Variants in RBMS3 observed in about 807,000 individuals in gnomAD.
RBMS3 encodes RNA-binding motif, single-stranded-interacting protein 3.
RBMS3 carries 27 observed loss-of-function variants against 66.8 expected under a neutral mutation model. That is an observed-to-expected ratio of 0.40 (90% CI 0.30 to 0.56). The LOEUF (loss-of-function observed/expected upper bound fraction) is 0.56, where lower values mean the gene tolerates loss of function less well. Among genes scored for constraint, RBMS3 ranks in the 20% least tolerant of loss-of-function variants. RBMS3 has a pLI of 0.40. For synonymous variants in RBMS3, 188 were observed against 183.0 expected (o/e 1.03, Z -0.22); for missense variants, 513 against 549.5 (o/e 0.93, Z 0.66).
chr3:29,331,243 T>C (rs2035635200), intron 1 of RBMS3, among the ~76,000 whole-genome samples: 1 of 152,218 alleles, frequency 6.6e-6, no homozygotes, highest in African/African-American at 2.4e-5. Flanking sequence ...GGTGTTTGAC[T>C]TGTGCAGGCT....
At chr3:29,508,100 A>G (rs2044255532) in intron 3 of RBMS3, among the ~76,000 whole-genome samples, 1 of 152,162 alleles carries the variant, frequency 6.6e-6, no homozygotes, top group Middle Eastern at 3.2e-3. Context: ...CTAACTACTA[A>G]TCATAATATA....
chr3:29,434,256 T>G (rs188303381), intron 1 of RBMS3, among the ~76,000 whole-genome samples: 11 of 152,346 alleles, frequency 7.2e-5, no homozygotes, highest in African/African-American at 2.4e-4. Context: ...ATGATTTCTT[T>G]GTATCAGGAA....
chr3:29,973,410 C>T (rs1312559494), intron 12 of RBMS3, among the ~76,000 whole-genome samples: 1 of 151,820 alleles, frequency 6.6e-6, no homozygotes, highest in Non-Finnish European at 1.5e-5. Context: ...AATTAAATAG[C>T]TTTATATATG....
intron 1 of RBMS3, among the ~76,000 whole-genome samples, chr3:29,365,714 T>C (rs2037863277): frequency 1.3e-5 from 2 of 152,188 alleles, no homozygotes; most frequent in South Asian, 2.1e-4. Flanking sequence ...CAAATCATTC[T>C]CCTTCACTTC....
At chr3:29,698,147 T>G in intron 4 of RBMS3, 4 of 934,670 alleles carry the variant, frequency 4.3e-6, no homozygotes, top group Non-Finnish European at 3.8e-6. Context: ...TACATTCCAG[T>G]GAAATTAATG....
At chr3:29,655,680 T>A (rs1041377671) in intron 4 of RBMS3, among the ~76,000 whole-genome samples, 3 of 152,210 alleles carry the variant, frequency 2.0e-5, no homozygotes, top group Non-Finnish European at 4.4e-5. Flanking sequence ...TTGACATACT[T>A]ACTATCCTAT....
intron 4 of RBMS3, among the ~76,000 whole-genome samples, chr3:29,668,019 C>G (rs2050836233): frequency 6.6e-6 from 1 of 152,150 alleles, no homozygotes; most frequent in South Asian, 2.1e-4. Flanking sequence ...CAATTAATCA[C>G]TGTTTCAATT....
intron 12 of RBMS3, among the ~76,000 whole-genome samples, chr3:29,975,062 TTCTA>T (rs1457285931): frequency 2.5e-5 from 3 of 119,770 alleles, no homozygotes; most frequent in African/African-American, 8.1e-5. Flanking sequence ...TAAAATATGT[TTCTA>T]TATATATTTT....
rs1422305119 is a variant in RBMS3, at chr3:29,820,179, ACTT to A, written c.638-48673_638-48671del. Among the ~76,000 whole-genome samples the A allele has an allele frequency of 6.4e-5, 7 of 109,362 alleles. No homozygotes were observed. In the South Asian group the frequency reaches 2.1e-3, roughly 32 times the overall value. The allele number at this position is 109,362 out of a possible 152,430, so 71.7% of individuals were successfully genotyped here. On this transcript the variant is annotated intron_variant, in intron 6 of 14. Transcript: ENST00000383767. The stretch of plus-strand genomic sequence containing the variant: ...ACTGCAGCCTGGGTAACAGAGTGAG[ACTT>A]CTTCTCAAAAAAAAAAAAAAAAAAA...
chr3:29,476,279 C>CTAT (rs949698652), intron 2 of RBMS3, among the ~76,000 whole-genome samples: 1 of 152,168 alleles, frequency 6.6e-6, no homozygotes, highest in East Asian at 1.9e-4. Context: ...ACCCCATGAA[C>CTAT]TATTGTTTTT....
chr3:29,670,641 C>G (rs574821592), intron 4 of RBMS3, among the ~76,000 whole-genome samples: 52 of 152,290 alleles, frequency 3.4e-4, no homozygotes, highest in African/African-American at 1.3e-3. Context: ...GCCCACGGAG[C>G]CTTGCTCACT....
chr3:29,474,425 GA>G lies in RBMS3; in HGVS notation c.249-14010del, dbSNP rs57535782. ...TGTTTAGTACAAGGGATTACTACAAGAAAAAAGAAACACAGCTTCCCTAATA... is the reference window on the plus strand; with the variant it reads ...TGTTTAGTACAAGGGATTACTACAAGAAAAAGAAACACAGCTTCCCTAATA... On this transcript the variant is annotated intron_variant, in intron 2 of 14. Transcript: ENST00000383767. 1.1e-4 allele frequency among the ~76,000 whole-genome samples: 17 copies of G among 152,246 alleles called. No homozygotes were observed. In the South Asian group the frequency reaches 3.3e-3, roughly 30 times the overall value.
chr3:29,762,886 C>T (rs752186055), intron 5 of RBMS3, 24 bp from the exon 6 acceptor site: 3 of 1,484,930 alleles, frequency 2.0e-6, no homozygotes, highest in South Asian at 2.3e-5. Flanking sequence ...CATATATGAC[C>T]TCTGGTTTAC....
chr3:29,924,399 T>C (rs1401190293), intron 10 of RBMS3, among the ~76,000 whole-genome samples: 4 of 152,194 alleles, frequency 2.6e-5, no homozygotes, highest in Non-Finnish European at 5.9e-5. Context: ...TTTCTTTTTT[T>C]TCAATTCTAC....
chr3:29,315,463 TGTGCACATGTATATACACATTTAG>T, intron 1 of RBMS3, among the ~76,000 whole-genome samples: 1 of 151,914 alleles, frequency 6.6e-6, no homozygotes, highest in Non-Finnish European at 1.5e-5. Flanking sequence ...TACATATATT[TGTGCACATGTATATACACATTTAG>T]CTACACATAT....
At chr3:29,419,262 C>T (rs2040604757) in intron 1 of RBMS3, among the ~76,000 whole-genome samples, 1 of 152,126 alleles carries the variant, frequency 6.6e-6, no homozygotes, top group African/African-American at 2.4e-5. Flanking sequence ...ATTAACCCCA[C>T]CTGTATAAAC....
At chr3:29,643,322 A>G (rs2049795939) in intron 4 of RBMS3, among the ~76,000 whole-genome samples, 1 of 152,034 alleles carries the variant, frequency 6.6e-6, no homozygotes, top group Admixed American at 6.6e-5. Context: ...GCAGCCACAC[A>G]TGGGGAGCTT....
chr3:29,798,330 GGAGGGGAGGGGAGGGGAGGA>G (rs2057278242), intron 6 of RBMS3, among the ~76,000 whole-genome samples: 1 of 105,154 alleles, frequency 9.5e-6, no homozygotes, highest in Non-Finnish European at 2.0e-5. Context: ...GGAAGGGAGG[GGAGGGGAGGGGAGGGGAGGA>G]GAGGGGAGGG....
chr3:29,838,770 G>T (rs2058592431), intron 6 of RBMS3, among the ~76,000 whole-genome samples: 1 of 152,260 alleles, frequency 6.6e-6, no homozygotes, highest in South Asian at 2.1e-4. Context: ...AATGCAAATA[G>T]TGTATGTGTC....
Sources: allele counts gnomAD v4.1 joint callset (sites outside exome capture counted in the v4.1 genomes callset), GRCh38; gene constraint gnomAD v4.1.1; transcripts MANE v1.5; gene names NCBI Gene and HGNC (gene_info 2026-07-23, HGNC 2026-07-21).